Variants in GTF2IRD1 observed in about 807,000 individuals in gnomAD.
GTF2IRD1 encodes the protein general transcription factor II-I repeat domain-containing protein 1.
A neutral mutation model predicts 113.2 loss-of-function variants in GTF2IRD1; 26 were observed. That is an observed-to-expected ratio of 0.23 (90% confidence interval 0.17 to 0.32). GTF2IRD1 has a LOEUF of 0.32. GTF2IRD1 is among the 10% of genes least tolerant of loss of function. The pLI, the probability that GTF2IRD1 is intolerant of heterozygous loss-of-function variation, is 1.00. For missense variants in GTF2IRD1, 864 were observed against 1,280.8 expected (o/e 0.67, Z 4.97); for synonymous variants, 484 against 529.1 (o/e 0.91, Z 1.17).
chr7:74,549,598 G>A (rs1799170701), intron 17 of GTF2IRD1, among the ~76,000 whole-genome samples: 1 of 152,162 alleles, frequency 6.6e-6, no homozygotes, highest in Admixed American at 6.6e-5. Flanking sequence ...GGCTTCAGCA[G>A]GCCAGGATGA....
At chr7:74,584,011 A>T (rs1249323906) in intron 22 of GTF2IRD1, among the ~76,000 whole-genome samples, 1 of 152,110 alleles carries the variant, frequency 6.6e-6, no homozygotes, top group Non-Finnish European at 1.5e-5. Context: ...CCCGTGGGCC[A>T]TGTAAACCAA....
chr7:74,503,447 T>A (rs1796138771), intron 1 of GTF2IRD1, among the ~76,000 whole-genome samples: 1 of 152,174 alleles, frequency 6.6e-6, no homozygotes, highest in East Asian at 1.9e-4. Context: ...CATGTCTTTC[T>A]CATTATTATT....
At chr7:74,513,070 C>G in intron 3 of GTF2IRD1, 99 bp downstream of exon 3, 5 of 1,190,120 alleles carry the variant, frequency 4.2e-6, no homozygotes, top group Non-Finnish European at 6.0e-6. Context: ...GCCAGGGTGG[C>G]GGTGTGTGGG....
In GTF2IRD1 at chr7:74,554,669, G is replaced by T. The variant is rs1799496188; in HGVS notation, c.1917-505G>T. Among the ~76,000 whole-genome samples the T allele has an allele frequency of 3.9e-5, 6 of 152,104 alleles. No homozygotes were observed. The South Asian group carries it at 1.2e-3, about 31-fold the overall frequency. Reference sequence around the variant, plus strand: ...TTCCCCTCCCTCAGCCTCCCAAGTAGCTGGGATTATAGGCACCTGCCACCA... The same window carrying T: ...TTCCCCTCCCTCAGCCTCCCAAGTATCTGGGATTATAGGCACCTGCCACCA... On this transcript the variant is annotated intron_variant, in intron 17 of 26. Transcript: ENST00000424337.
intron 11 of GTF2IRD1, 148 bp from the exon 12 acceptor site, chr7:74,537,988 A>C (rs1798401777): frequency 2.8e-6 from 2 of 708,770 alleles, no homozygotes; most frequent in East Asian, 2.5e-5. Context: ...GGTGGGGAGC[A>C]CCATCCTGGA....
intron 11 of GTF2IRD1, among the ~76,000 whole-genome samples, chr7:74,536,613 G>A (rs1161985944): frequency 6.6e-6 from 1 of 151,868 alleles, no homozygotes; most frequent in East Asian, 1.9e-4. Flanking sequence ...TTCGAGACCA[G>A]CCTGGGCAAC....
intron 20 of GTF2IRD1, among the ~76,000 whole-genome samples, chr7:74,558,615 C>T (rs1554358043): frequency 6.6e-6 from 1 of 152,024 alleles, no homozygotes; most frequent in Non-Finnish European, 1.5e-5. Context: ...ATCCTCCTGC[C>T]TTGGTTCCCC....
chr7:74,565,098 A>G (rs1800215345), intron 22 of GTF2IRD1, among the ~76,000 whole-genome samples: 1 of 152,158 alleles, frequency 6.6e-6, no homozygotes, highest in Non-Finnish European at 1.5e-5. Flanking sequence ...TCATACCAGA[A>G]GGAACTCCAG....
At chr7:74,580,683 G>A (rs1340920940) in intron 22 of GTF2IRD1, among the ~76,000 whole-genome samples, 4 of 152,166 alleles carry the variant, frequency 2.6e-5, no homozygotes, top group African/African-American at 4.8e-5. Context: ...AGAGGAGACC[G>A]AAGAACAGAA....
chr7:74,575,112 AAC>A (rs1800957236), intron 22 of GTF2IRD1, among the ~76,000 whole-genome samples: 1 of 152,068 alleles, frequency 6.6e-6, no homozygotes, highest in South Asian at 2.1e-4. Context: ...AAACAAAAAA[AAC>A]CCAGCCTCAC....
In GTF2IRD1 at chr7:74,519,426, G is replaced by A. The variant is rs1554345347; in HGVS notation, c.623G>A (p.Gly208Glu). 10 of 1,531,854 alleles carry A rather than the reference G, an allele frequency of 6.5e-6. No individual in the cohort carries two copies. The highest frequency in any genetic ancestry group is 4.1e-5 in the African/African-American group (3 of 72,516). The allele number at this position is 1,531,854 out of a possible 1,614,324, so 94.9% of individuals were successfully genotyped here. A position where few individuals can be genotyped will look rare whatever the true frequency, so the allele number is the denominator to read the frequency against. ...FKLKRPLEDG[G>E]RDSKALVELN... ...TTACTCAGGCCACTTGAGGATGGCG[G>A]GCGGGACTCGAAGGCCCTGGTGGAG... The change falls in exon 6 of 27, where the codon GGG (glycine) becomes GAG (glutamate). Residue 208 changes from glycine (G) to glutamate (E), a missense_variant. Physicochemically the swap from Gly to Glu is moderately conservative, Grantham distance 98. Transcript: ENST00000424337.
At chr7:74,577,030 A>AT (rs1290301690) in intron 22 of GTF2IRD1, among the ~76,000 whole-genome samples, 10 of 150,944 alleles carry the variant, frequency 6.6e-5, no homozygotes, top group Non-Finnish European at 1.5e-5. Flanking sequence ...TGGGTTGGGC[A>AT]TTTTTTTTAT....
chr7:74,510,734 T>A lies in GTF2IRD1; in HGVS notation c.124-2096T>A, dbSNP rs1554342717. 4.6e-5 allele frequency among the ~76,000 whole-genome samples: 7 copies of A among 152,260 alleles called. No individual in the cohort carries two copies. The South Asian group carries it at 1.0e-3, about 23-fold the overall frequency. ...TGGATTGGACAGTGCAGAGGTAGAA[T>A]GTTTTCATAGTCATAGAAAGTTACA... On this transcript the variant is annotated intron_variant, in intron 2 of 26. Coordinates refer to ENST00000424337, the MANE Select transcript of GTF2IRD1 (RefSeq NM_005685.4).
intron 11 of GTF2IRD1, among the ~76,000 whole-genome samples, chr7:74,536,532 G>T (rs1798307449): frequency 6.6e-6 from 1 of 152,166 alleles, no homozygotes; most frequent in South Asian, 2.1e-4. Context: ...ACTAGGCCAG[G>T]TGCGGTGGCT....
chr7:74,514,886 A>G lies in GTF2IRD1; in HGVS notation c.266-555A>G, dbSNP rs375893934. Among the ~76,000 whole-genome samples the G allele has an allele frequency of 5.3e-5, 8 of 151,650 alleles. No homozygotes were observed. The East Asian group carries it at 1.6e-3, about 29-fold the overall frequency. On this transcript the variant is annotated intron_variant, in intron 3 of 26. Coordinates refer to ENST00000424337, the MANE Select transcript of GTF2IRD1 (RefSeq NM_005685.4). ...AGCCTGGCCAACATGGTGAGACCCC[A>G]TCTCTACTAAAAATACAAAAATTAG...
rs1798451036 is a variant in GTF2IRD1 at position 74,538,690 on chromosome 7, G to C, written c.1458G>C (p.Gly486=). ...MSEDCGPGTS[G]ELGGLRPIKI... ...CTTTCCTCCTTGCAGGAACCTCCGG[G>C]GAGCTGGGCGGGCTGAGGCCGATCA... The change falls in exon 13 of 27, where the codon GGG becomes GGC. Residue 486 remains glycine, a synonymous_variant. Coordinates refer to ENST00000424337, the MANE Select transcript of GTF2IRD1 (RefSeq NM_005685.4). The C allele has an allele frequency of 6.3e-7, 1 of 1,596,546 alleles. No individual in the cohort carries two copies. The highest frequency in any genetic ancestry group is 1.3e-5 in the African/African-American group (1 of 74,686).
At chr7:74,496,398 T>G (rs537829371) in intron 1 of GTF2IRD1, among the ~76,000 whole-genome samples, 2 of 144,852 alleles carry the variant, frequency 1.4e-5, no homozygotes, top group South Asian at 2.2e-4. Context: ...TATATGTGGG[T>G]GTGTGTGCAT....
At position 74,525,541 on chromosome 7, in the gene GTF2IRD1, C is replaced by G. The variant is rs1412861178; in HGVS notation, c.1090+1387C>G. The stretch of plus-strand genomic sequence containing the variant: ...CCGAGGCAGGTGAATCACTTGAGCT[C>G]GAGAGTTCGAGACCAGCCTGGCCAA... On this transcript the variant is annotated intron_variant, in intron 8 of 26. Coordinates refer to ENST00000424337, the MANE Select transcript of GTF2IRD1 (RefSeq NM_005685.4). Among the ~76,000 whole-genome samples, 3 of 152,184 alleles carry G rather than the reference C, an allele frequency of 2.0e-5. No individual in the cohort carries two copies. The South Asian group carries it at 6.2e-4, about 32-fold the overall frequency.
In GTF2IRD1 at chr7:74,594,464, C is replaced by T. The variant is rs78205343; in HGVS notation, c.2592-550C>T. Among the ~76,000 whole-genome samples the T allele has an allele frequency of 2.8e-3, 419 of 152,282 alleles. 1 individual carries two copies. The highest frequency in any genetic ancestry group is 9.5e-3 in the African/African-American group (397 of 41,574). ...CATTTCTGATCACTTGGTCAGACAA[C>T]ATCCTCGCTTTATAGATGAGGACAG... On this transcript the variant is annotated intron_variant, in intron 24 of 26. Coordinates refer to ENST00000424337, the MANE Select transcript of GTF2IRD1 (RefSeq NM_005685.4).
Sources: gnomAD v4.1 joint callset for allele counts (sites outside exome capture counted in the v4.1 genomes callset) on GRCh38, gnomAD v4.1.1 for gene constraint, MANE v1.5 for transcripts, NCBI Gene and HGNC (gene_info 2026-07-23, HGNC 2026-07-21) for gene names.